The following CR1 variants were observed in gnomAD, a reference collection of about 807,000 sequenced individuals.
CR1 encodes the protein complement receptor type 1.
CR1 carries 116 observed loss-of-function variants against 187.3 expected under a neutral mutation model. The observed-to-expected ratio is 0.62, with a 90% CI of 0.53 to 0.72. CR1 has a LOEUF of 0.72. CR1 is among the 30% of genes least tolerant of loss of function. The probability of loss-of-function intolerance (pLI) is 0.00; values close to 1 mark genes in which losing one functional copy is unlikely to be tolerated. For missense variants in CR1, 1,731 were observed against 2,110.7 expected (o/e 0.82, Z 3.52); for synonymous variants, 576 against 747.1 (o/e 0.77, Z 3.73).
intron 4 of CR1, among the ~76,000 whole-genome samples, chr1:207,517,409 A>C (rs1385532428): frequency 6.6e-6 from 1 of 152,120 alleles, no homozygotes; most frequent in African/African-American, 2.4e-5. Flanking sequence ...TGCTGGATTC[A>C]GTTTCATAAT....
At chr1:207,630,690 G>A in intron 46 of CR1, 69 bp downstream of exon 46, 1 of 1,109,910 alleles carries the variant, frequency 9.0e-7, no homozygotes, top group South Asian at 1.6e-5. Context: ...AACAGGACTT[G>A]AATATGATAT....
At chr1:207,517,670 T>C (rs1330394287) in intron 4 of CR1, among the ~76,000 whole-genome samples, 2 of 152,178 alleles carry the variant, frequency 1.3e-5, no homozygotes, top group Non-Finnish European at 1.5e-5. Flanking sequence ...GGATTTAATA[T>C]CTTTAATAGC....
chr1:207,626,643 G>T (rs917922008), intron 45 of CR1, among the ~76,000 whole-genome samples: 2 of 152,108 alleles, frequency 1.3e-5, no homozygotes, highest in African/African-American at 4.8e-5. Flanking sequence ...CTCTATGGGA[G>T]AGCCACAGTC....
At chr1:207,511,740 C>A in intron 4 of CR1, 86 bp downstream of exon 4, 1 of 1,286,708 alleles carries the variant, frequency 7.8e-7, no homozygotes, top group Non-Finnish European at 1.1e-6. Flanking sequence ...TGAATTCCTT[C>A]TGTGCAATCT....
intron 4 of CR1, among the ~76,000 whole-genome samples, chr1:207,519,795 A>G (rs1659919104): frequency 6.6e-6 from 1 of 151,288 alleles, no homozygotes; most frequent in Middle Eastern, 3.4e-3. Context: ...ACGTACAGAA[A>G]ACAGAAGTGA....
At chr1:207,635,162 A>G (rs3207524) in intron 46 of CR1, among the ~76,000 whole-genome samples, 2 of 152,230 alleles carry the variant, frequency 1.3e-5, no homozygotes, top group African/African-American at 2.4e-5. Flanking sequence ...CATTAGGTGG[A>G]ACTAGAGACT....
chr1:207,588,980 C>T (rs1302543298), intron 35 of CR1, among the ~76,000 whole-genome samples: 1 of 152,080 alleles, frequency 6.6e-6, no homozygotes, highest in East Asian at 1.9e-4. Flanking sequence ...GTATTGTAAA[C>T]CAGAGGAGGG....
chr1:207,619,845 A>G (rs1488458562), intron 42 of CR1, 35 bp from the exon 43 acceptor site: 1 of 1,531,498 alleles, frequency 6.5e-7, no homozygotes, highest in Non-Finnish European at 8.8e-7. Context: ...ATCAACAATA[A>G]AATATCAATT....
chr1:207,611,660 A>G lies in CR1; in HGVS notation c.6296-17A>G. 3 of 1,613,432 alleles carry G rather than the reference A, an allele frequency of 1.9e-6. No homozygotes were observed. Among genetic ancestry groups the G allele is most frequent in the Non-Finnish European group, 2.5e-6 (3 of 1,179,538 alleles). On this transcript the variant is annotated splice_polypyrimidine_tract_variant and intron_variant, in intron 37 of 46. Transcript: ENST00000367049. ...GCCCCATATCTAACAAGTGCTCTGG[A>G]ACTGTCCTTTCCACAGTGTGTCAGC...
chr1:207,566,090 G>C (rs1337432551), intron 24 of CR1, among the ~76,000 whole-genome samples, 167 bp downstream of exon 24: 1 of 150,256 alleles, frequency 6.7e-6, no homozygotes, highest in Non-Finnish European at 1.5e-5. Flanking sequence ...TACATCACCT[G>C]TCTTTGCAAC....
At chr1:207,519,678 C>T (rs1261926801) in intron 4 of CR1, among the ~76,000 whole-genome samples, 1 of 152,128 alleles carries the variant, frequency 6.6e-6, no homozygotes, top group Non-Finnish European at 1.5e-5. Flanking sequence ...TTTAATTGAG[C>T]AATGAACGAT....
At chr1:207,522,248 T>A (rs1422018123) in intron 4 of CR1, among the ~76,000 whole-genome samples, 1 of 152,166 alleles carries the variant, frequency 6.6e-6, no homozygotes, top group Non-Finnish European at 1.5e-5. Context: ...CCACTCTAAT[T>A]CAGTCTCAGG....
In CR1 at chr1:207,609,676, C is replaced by T; in HGVS notation, c.6283C>T (p.His2095Tyr). Residue 2095 changes from histidine (H) to tyrosine (Y), a missense_variant, in exon 37 of 47, where the codon CAC (histidine) becomes TAC (tyrosine). Coordinates refer to ENST00000367049, the MANE Select transcript of CR1 (RefSeq NM_000651.6). ...TNGRWGPKLP[H>Y]CSRVCQPPPE... ...TGGCAGATGGGGGCCCAAGCTGCCACACTGCTCCAGGGGTGAGTGTGACCC... is the reference window on the plus strand; with the variant it reads ...TGGCAGATGGGGGCCCAAGCTGCCATACTGCTCCAGGGGTGAGTGTGACCC... The T allele has an allele frequency of 6.3e-7, 1 of 1,586,082 alleles. No individual in the cohort carries two copies. Among genetic ancestry groups the T allele is most frequent in the Non-Finnish European group, 8.6e-7 (1 of 1,166,650 alleles).
At chr1:207,635,617 C>T (rs1367744881) in intron 46 of CR1, among the ~76,000 whole-genome samples, 2 of 152,058 alleles carry the variant, frequency 1.3e-5, no homozygotes, top group Non-Finnish European at 2.9e-5. Context: ...AGCAACGAGG[C>T]GTTCCTTCCT....
At chr1:207,590,843 C>T (rs762772053) in intron 35 of CR1, among the ~76,000 whole-genome samples, 5 of 152,098 alleles carry the variant, frequency 3.3e-5, no homozygotes, top group African/African-American at 4.8e-5. Flanking sequence ...TTTAAACCAA[C>T]GAAGATCAAA....
chr1:207,609,182 A>T, intron 36 of CR1, 108 bp from the exon 37 acceptor site: 1 of 1,127,836 alleles, frequency 8.9e-7, no homozygotes, highest in Non-Finnish European at 1.2e-6. Context: ...CAGTATTGTA[A>T]TTCCATTTAG....
chr1:207,639,437 T>G lies in CR1; in HGVS notation c.*28T>G, dbSNP rs749672832. On this transcript the variant is annotated 3_prime_UTR_variant, in exon 47 of 47. Coordinates refer to ENST00000367049, the MANE Select transcript of CR1 (RefSeq NM_000651.6). ...AAGTACTATACAGCTGAAGAACATC[T>G]CGAATACAATTTTGGTGGGAAAGGA... 1.9e-5 allele frequency: 30 copies of G among 1,589,390 alleles called. No homozygotes were observed. In the African/African-American group the frequency reaches 3.1e-4, roughly 16 times the overall value.
In CR1 at chr1:207,611,983, G is replaced by A. The variant is rs2102387558; in HGVS notation, c.6517G>A (p.Val2173Met). 1 of 1,614,042 alleles carries A rather than the reference G, an allele frequency of 6.2e-7. No individual in the cohort carries two copies. ...CCTGGGCCAACTCCCTCATGGCCGT[G>A]TGCTACTTCCACTTAATCTCCAGCT... ...DFLGQLPHGR[V>M]LLPLNLQLGA... Residue 2173 changes from valine (V) to methionine (M), a missense_variant, in exon 39 of 47, where the codon GTG becomes ATG. By Grantham distance (21) the Val-to-Met change is conservative. Transcript: ENST00000367049.
rs1382533196 is a variant in CR1, at chr1:207,587,099, G to A, written c.5531-287G>A. 2.6e-5 allele frequency among the ~76,000 whole-genome samples: 4 copies of A among 152,134 alleles called. No homozygotes were observed. In the East Asian group the frequency reaches 5.8e-4, roughly 22 times the overall value. ...GGTTAACTGAGGATATAGGCACTCCGATAGGAGGTCAGAATGTGAAACTAC... is the reference window on the plus strand; with the variant it reads ...GGTTAACTGAGGATATAGGCACTCCAATAGGAGGTCAGAATGTGAAACTAC... On this transcript the variant is annotated intron_variant, in intron 33 of 46. Transcript: ENST00000367049.
Sources: allele counts gnomAD v4.1 joint callset (sites outside exome capture counted in the v4.1 genomes callset), GRCh38; gene constraint gnomAD v4.1.1; transcripts MANE v1.5; gene names NCBI Gene and HGNC (gene_info 2026-07-23, HGNC 2026-07-21).